Variants in CADPS2 observed in about 807,000 individuals in gnomAD.
CADPS2 encodes calcium dependent secretion activator 2.
A neutral mutation model predicts 172.5 loss-of-function variants in CADPS2; 93 were observed. That is an observed-to-expected ratio of 0.54 (90% CI 0.46 to 0.64). CADPS2 has a LOEUF of 0.64. Ranked by LOEUF, CADPS2 falls within the 30% of genes least tolerant of loss-of-function variation. CADPS2 has a pLI of 0.00. For missense variants in CADPS2, 1,420 were observed against 1,565.9 expected, an observed-to-expected ratio of 0.91 and a Z score of 1.57; for synonymous variants, 546 against 555.2, an observed-to-expected ratio of 0.98 and a Z score of 0.23.
At chr7:122,465,870 C>T (rs957243395) in intron 14 of CADPS2, among the ~76,000 whole-genome samples, 1 of 152,082 alleles carries the variant, frequency 6.6e-6, no homozygotes, top group Non-Finnish European at 1.5e-5. Context: ...AGTAAAATAA[C>T]AAGCCAATTT....
At chr7:122,777,308 C>T (rs999819007) in intron 1 of CADPS2, among the ~76,000 whole-genome samples, 1 of 152,148 alleles carries the variant, frequency 6.6e-6, no homozygotes, top group Non-Finnish European at 1.5e-5. Flanking sequence ...TTGCTGCCAC[C>T]AAATCCTTAG....
chr7:122,738,772 A>G (rs989676055), intron 1 of CADPS2, among the ~76,000 whole-genome samples: 7 of 151,902 alleles, frequency 4.6e-5, no homozygotes, highest in Non-Finnish European at 1.0e-4. Flanking sequence ...AACAAATAAG[A>G]CAGTTTTTAA....
Position 122,541,776 on chromosome 7 carries a change from TATATTC to T in CADPS2, c.1475+12768_1475+12773del, listed in dbSNP as rs2063042038. ...ATATTCATATATTTATATATTCACA[TATATTC>T]ATATATTTATATATTCATATATATT... On this transcript the variant is annotated intron_variant, in intron 8 of 29. Coordinates refer to ENST00000449022, the MANE Select transcript of CADPS2 (RefSeq NM_017954.11). 2.8e-5 allele frequency among the ~76,000 whole-genome samples: 4 copies of T among 142,306 alleles called. No individual in the cohort carries two copies. The Admixed American group carries it at 2.9e-4, about 10-fold the overall frequency. 93.4% of individuals were successfully genotyped at this position (142,306 alleles called of 152,430 possible).
At chr7:122,620,686 G>A (rs1454280089) in intron 5 of CADPS2, among the ~76,000 whole-genome samples, 1 of 152,060 alleles carries the variant, frequency 6.6e-6, no homozygotes, top group Non-Finnish European at 1.5e-5. Context: ...TCCTGAAAAA[G>A]AATTATCTAT....
At chr7:122,504,828 T>C (rs1238104868) in intron 9 of CADPS2, among the ~76,000 whole-genome samples, 2 of 152,056 alleles carry the variant, frequency 1.3e-5, no homozygotes, top group South Asian at 2.1e-4. Context: ...GTTTCTGGAG[T>C]AGCTGGGATT....
At chr7:122,791,567 T>A (rs1031386324) in intron 1 of CADPS2, among the ~76,000 whole-genome samples, 5 of 152,198 alleles carry the variant, frequency 3.3e-5, no homozygotes, top group Admixed American at 3.3e-4. Flanking sequence ...CTATACAGGA[T>A]GCCATCAACA....
At chr7:122,782,364 A>AAAC (rs3034559) in intron 1 of CADPS2, among the ~76,000 whole-genome samples, 32,613 of 152,012 alleles carry the variant, frequency 0.21, 3,720 homozygotes, top group Middle Eastern at 0.31. Context: ...CTCATTACTG[A>AAAC]AACACCAGTA....
intron 17 of CADPS2, among the ~76,000 whole-genome samples, chr7:122,436,097 A>C (rs2050608474): frequency 6.6e-6 from 1 of 152,124 alleles, no homozygotes; most frequent in Admixed American, 6.6e-5. Flanking sequence ...GAAATTGCAA[A>C]GAGGGTAGCT....
intron 23 of CADPS2, among the ~76,000 whole-genome samples, chr7:122,387,906 A>G (rs966191951): frequency 2.6e-5 from 4 of 152,060 alleles, no homozygotes; most frequent in Non-Finnish European, 4.4e-5. Context: ...GAAATATCCA[A>G]TTGGTCTAAC....
intron 2 of CADPS2, among the ~76,000 whole-genome samples, chr7:122,727,515 G>T (rs1165623027): frequency 6.6e-6 from 1 of 151,488 alleles, no homozygotes; most frequent in South Asian, 2.1e-4. Context: ...GTTAACAGAG[G>T]TCTAGCCCTG....
At chr7:122,809,484 G>A (rs1244130012) in intron 1 of CADPS2, among the ~76,000 whole-genome samples, 2 of 151,778 alleles carry the variant, frequency 1.3e-5, no homozygotes, top group East Asian at 1.9e-4. Context: ...GGGAGGCTGA[G>A]GCAGAGAATT....
chr7:122,383,924 T>A (rs2043309544), intron 24 of CADPS2, among the ~76,000 whole-genome samples: 1 of 152,118 alleles, frequency 6.6e-6, no homozygotes, highest in Admixed American at 6.5e-5. Flanking sequence ...CGAATTGCCA[T>A]ATTAATGTGT....
intron 1 of CADPS2, among the ~76,000 whole-genome samples, chr7:122,878,985 C>T (rs1822105463): frequency 6.6e-6 from 1 of 152,144 alleles, no homozygotes; most frequent in African/African-American, 2.4e-5. Context: ...CTTGCAATCC[C>T]AGCTTTTTGG....
chr7:122,496,972 T>C lies in CADPS2; in HGVS notation c.1543-5552A>G, dbSNP rs2058784273. 2.0e-5 allele frequency among the ~76,000 whole-genome samples: 3 copies of C among 152,162 alleles called. No homozygotes were observed. The South Asian group carries it at 6.2e-4, about 32-fold the overall frequency. ...CATGCAATTCTCTTAAATGTCTATA[T>C]ATTTTAAAGAAATAATCTCATATAT... On this transcript the variant is annotated intron_variant, in intron 9 of 29. Coordinates refer to ENST00000449022, the MANE Select transcript of CADPS2 (RefSeq NM_017954.11).
chr7:122,815,428 C>T (rs17144949), intron 1 of CADPS2, among the ~76,000 whole-genome samples: 30,178 of 152,012 alleles, frequency 0.2, 3,122 homozygotes, highest in Middle Eastern at 0.3. Context: ...CAAAGCCTTA[C>T]CTCAGAAAAG....
At chr7:122,519,924 T>C (rs947401305) in intron 8 of CADPS2, among the ~76,000 whole-genome samples, 5 of 152,002 alleles carry the variant, frequency 3.3e-5, no homozygotes, top group Admixed American at 2.6e-4. Context: ...ACAAGGCAAA[T>C]AGTATATTTT....
At chr7:122,400,919 T>C (rs1175298126) in intron 20 of CADPS2, among the ~76,000 whole-genome samples, 4 of 152,188 alleles carry the variant, frequency 2.6e-5, no homozygotes, top group African/African-American at 9.7e-5. Flanking sequence ...GTCCTTCATT[T>C]GAAAGAAATC....
chr7:122,619,876 CAA>C, intron 5 of CADPS2, among the ~76,000 whole-genome samples: 1 of 152,212 alleles, frequency 6.6e-6, no homozygotes, highest in Non-Finnish European at 1.5e-5. Context: ...AACCATTTGG[CAA>C]AGTCATTAGG....
At chr7:122,509,817 G>A (rs1376409308) in intron 9 of CADPS2, among the ~76,000 whole-genome samples, 1 of 151,984 alleles carries the variant, frequency 6.6e-6, no homozygotes, top group Admixed American at 6.6e-5. Flanking sequence ...ACCTTCACGG[G>A]CTTATTCTGA....
Sources: gnomAD v4.1 joint callset for allele counts (sites outside exome capture counted in the v4.1 genomes callset) on GRCh38, gnomAD v4.1.1 for gene constraint, MANE v1.5 for transcripts, NCBI Gene and HGNC (gene_info 2026-07-23, HGNC 2026-07-21) for gene names.